ADCY5: variants seen among roughly 807,000 people sequenced by gnomAD.
ADCY5 encodes adenylate cyclase type 5.
Under a neutral mutation model 119.7 loss-of-function variants are expected in ADCY5, and 30 were observed. That is an observed-to-expected ratio of 0.25 (90% CI 0.19 to 0.34). ADCY5 has a LOEUF of 0.34. Ranked by LOEUF, ADCY5 falls within the 10% of genes least tolerant of loss-of-function variation. ADCY5 has a pLI of 1.00. For synonymous variants in ADCY5, 753 were observed against 762.2 expected (o/e 0.99, Z 0.20); for missense variants, 1,324 against 1,775.2 (o/e 0.75, Z 4.57).
chr3:123,343,258 G>A (rs1364274781), intron 3 of ADCY5, among the ~76,000 whole-genome samples: 1 of 152,160 alleles, frequency 6.6e-6, no homozygotes, highest in Admixed American at 6.5e-5. Flanking sequence ...CACACTGCCC[G>A]CCTGTAGCTG....
intron 17 of ADCY5, among the ~76,000 whole-genome samples, chr3:123,293,063 G>A (rs1393570091): frequency 1.3e-5 from 2 of 152,316 alleles, no homozygotes; most frequent in East Asian, 3.9e-4. Flanking sequence ...GTGGGCGCCT[G>A]ACAATGCAGC....
chr3:123,321,335 C>T (rs923466777), intron 8 of ADCY5, among the ~76,000 whole-genome samples: 1 of 152,172 alleles, frequency 6.6e-6, no homozygotes, highest in Non-Finnish European at 1.5e-5. Context: ...CTTGTAAGGC[C>T]ACGGTTGTTT....
At chr3:123,367,899 C>T in intron 1 of ADCY5, 1 of 1,535,344 alleles carries the variant, frequency 6.5e-7, no homozygotes, top group Non-Finnish European at 8.7e-7. Flanking sequence ...CAAGTGCTTA[C>T]CTTACCTCCA....
rs375839409 is a variant in ADCY5, at chr3:123,388,056, C to G, written c.1135-35475G>C. On this transcript the variant is annotated intron_variant, in intron 1 of 20. Transcript: ENST00000462833. ...TCTAGAGAAGCTTGGCAGAAGAGAA[C>G]AGCTGTTCAGGGGTGTAGGGAAGAT... is the stretch of plus-strand genomic sequence containing the variant. 9.8e-5 allele frequency among the ~76,000 whole-genome samples: 15 copies of G among 152,302 alleles called. No individual in the cohort carries two copies. The East Asian group carries it at 2.1e-3, about 22-fold the overall frequency.
At chr3:123,444,997 T>G (rs1315380332) in intron 1 of ADCY5, among the ~76,000 whole-genome samples, 1 of 152,184 alleles carries the variant, frequency 6.6e-6, no homozygotes, top group Non-Finnish European at 1.5e-5. Flanking sequence ...GAAAGACAAA[T>G]TTTATATGAG....
intron 1 of ADCY5, among the ~76,000 whole-genome samples, chr3:123,356,748 G>A (rs1205829459): frequency 6.6e-6 from 1 of 152,126 alleles, no homozygotes; most frequent in South Asian, 2.1e-4. Context: ...TTTCCTGGTC[G>A]AAATGAGAAA....
At chr3:123,406,225 C>T (rs548416962) in intron 1 of ADCY5, among the ~76,000 whole-genome samples, 2 of 152,336 alleles carry the variant, frequency 1.3e-5, no homozygotes, top group Admixed American at 1.3e-4. Flanking sequence ...ATTCAAACTG[C>T]CAATCCTAAA....
At chr3:123,418,064 T>A (rs1945223855) in intron 1 of ADCY5, among the ~76,000 whole-genome samples, 1 of 152,114 alleles carries the variant, frequency 6.6e-6, no homozygotes, top group Non-Finnish European at 1.5e-5. Flanking sequence ...CATCAGCAGG[T>A]CTAAGTTACA....
chr3:123,430,616 T>TA (rs1312791660), intron 1 of ADCY5, among the ~76,000 whole-genome samples: 2 of 152,166 alleles, frequency 1.3e-5, no homozygotes, highest in African/African-American at 4.8e-5. Context: ...TATTCCACTT[T>TA]AAAAATAAGT....
rs773732532 is a variant in ADCY5, at chr3:123,286,845, C to T, written c.3533-36G>A. 2.3e-5 allele frequency: 36 copies of T among 1,554,548 alleles called. No homozygotes were observed. The highest frequency in any genetic ancestry group is 3.0e-5 in the Non-Finnish European group (35 of 1,152,950). The stretch of plus-strand genomic sequence containing the variant: ...CAGGAATCAGCCACAGTCATCACAT[C>T]TCTGGCTTGACCTTGCCACCATCTG... On this transcript the variant is annotated intron_variant, in intron 19 of 20. Transcript: ENST00000462833. This position sits in a 1 kb window ranked among gnomAD's most constrained non-coding sequence, Gnocchi z 4.2.
At chr3:123,297,213 C>T (rs1939570610) in intron 16 of ADCY5, 140 bp downstream of exon 16, 1 of 1,384,224 alleles carries the variant, frequency 7.2e-7, no homozygotes, top group South Asian at 1.2e-5. Flanking sequence ...CCAGGAGGAA[C>T]CAGCCTCCCT....
chr3:123,291,846 C>A (rs576714948), intron 17 of ADCY5, among the ~76,000 whole-genome samples: 1 of 152,196 alleles, frequency 6.6e-6, no homozygotes, highest in Non-Finnish European at 1.5e-5. Context: ...CCTTAATTGA[C>A]GGACCTGTGG....
chr3:123,317,989 G>A (rs1203852532), intron 11 of ADCY5, 31 bp downstream of exon 11: 8 of 1,588,656 alleles, frequency 5.0e-6, no homozygotes, highest in Non-Finnish European at 6.9e-6. Context: ...GCAGCCAGAG[G>A]AAGGAGCCCA....
intron 15 of ADCY5, among the ~76,000 whole-genome samples, chr3:123,297,854 GGT>G (rs1434512599): frequency 6.6e-6 from 1 of 152,038 alleles, no homozygotes; most frequent in East Asian, 1.9e-4. Context: ...TGTAAAAAAA[GGT>G]AAAATATTTC....
intron 1 of ADCY5, among the ~76,000 whole-genome samples, chr3:123,421,356 A>G (rs564436151): frequency 4.3e-4 from 66 of 152,206 alleles, no homozygotes; most frequent in Non-Finnish European, 7.9e-4. Context: ...TAACTGCCTC[A>G]AGGTTGTACA....
intron 1 of ADCY5, among the ~76,000 whole-genome samples, chr3:123,360,303 G>T (rs144614947): frequency 1.2e-3 from 181 of 152,112 alleles, no homozygotes; most frequent in African/African-American, 4.2e-3. Flanking sequence ...CTAGGGTCCT[G>T]CCCAGACAAC....
At chr3:123,383,973 C>A (rs902973761) in intron 1 of ADCY5, among the ~76,000 whole-genome samples, 1 of 132,034 alleles carries the variant, frequency 7.6e-6, no homozygotes, top group African/African-American at 2.6e-5. Context: ...CGCGCGCACA[C>A]ACACACACAA....
At chr3:123,428,616 A>G (rs1945458689) in intron 1 of ADCY5, among the ~76,000 whole-genome samples, 1 of 152,120 alleles carries the variant, frequency 6.6e-6, no homozygotes, top group Non-Finnish European at 1.5e-5. Flanking sequence ...GAACATAGAA[A>G]CTTCTGTCTC....
intron 12 of ADCY5, among the ~76,000 whole-genome samples, chr3:123,311,648 G>T (rs1198693399): frequency 3.3e-5 from 5 of 152,180 alleles, no homozygotes; most frequent in African/African-American, 2.4e-5. Context: ...GGAGCCAAGG[G>T]TGGGTGCTGG....
Sources: allele counts gnomAD v4.1 joint callset (sites outside exome capture counted in the v4.1 genomes callset), GRCh38; gene constraint gnomAD v4.1.1; non-coding constraint Gnocchi (gnomAD v3.1); transcripts MANE v1.5; gene names NCBI Gene and HGNC (gene_info 2026-07-23, HGNC 2026-07-21).